Variants in SP1 observed in about 807,000 individuals in gnomAD.
The protein encoded by SP1 is transcription factor Sp1.
A neutral mutation model predicts 66.3 loss-of-function variants in SP1; 6 were observed. The observed-to-expected ratio is 0.09, with a 90% CI of 0.05 to 0.18. The LOEUF (loss-of-function observed/expected upper bound fraction) is 0.18. SP1 is among the 10% of genes least tolerant of loss of function. SP1 has a pLI of 1.00. For missense variants in SP1, 848 were observed against 964.5 expected, an observed-to-expected ratio of 0.88 and a Z score of 1.60; for synonymous variants, 417 against 360.8, an observed-to-expected ratio of 1.16 and a Z score of -1.77.
At position 53,414,700 on chromosome 12, in the gene SP1, A is replaced by T. The variant is rs1296066059; in HGVS notation, c.*3460A>T. Reference sequence around the variant, plus strand: ...TTTCAAAATATATTTTGTATTGTTAATATCTTCACATTGTGTGAATACTGG... The same window carrying T: ...TTTCAAAATATATTTTGTATTGTTATTATCTTCACATTGTGTGAATACTGG... On this transcript the variant is annotated 3_prime_UTR_variant, in exon 6 of 6. Coordinates refer to ENST00000327443, the MANE Select transcript of SP1 (RefSeq NM_138473.3). 6.6e-6 allele frequency: 1 copy of T among 152,636 alleles called. No homozygotes were observed. Among genetic ancestry groups the T allele is most frequent in the South Asian group, 2.1e-4 (1 of 4,834 alleles). The allele number at this position is 152,636 out of a possible 1,614,324, so 9.5% of individuals were successfully genotyped here.
chr12:53,413,977 T>C lies in SP1; in HGVS notation c.*2737T>C, dbSNP rs1271058553. ...CCAAGGAAGCTCCAGATCCAGTATC[T>C]TGTTTGGCCTCAAAACAGAAGCAGC... is the stretch of plus-strand genomic sequence containing the variant. On this transcript the variant is annotated 3_prime_UTR_variant, in exon 6 of 6. Transcript: ENST00000327443. 1 of 152,182 alleles carries C rather than the reference T, an allele frequency of 6.6e-6. No homozygotes were observed. Among genetic ancestry groups the C allele is most frequent in the Non-Finnish European group, 1.5e-5 (1 of 68,046 alleles). 9.4% of individuals were successfully genotyped at this position (152,182 alleles called of 1,614,324 possible).
intron 3 of SP1, among the ~76,000 whole-genome samples, chr12:53,384,563 G>A (rs995275913): frequency 6.6e-6 from 1 of 152,112 alleles, no homozygotes; most frequent in Admixed American, 6.6e-5. Context: ...TGGGATTATA[G>A]GTGTGAGCCA....
intron 3 of SP1, among the ~76,000 whole-genome samples, chr12:53,398,955 T>G (rs1938549184): frequency 6.6e-6 from 1 of 152,218 alleles, no homozygotes; most frequent in Non-Finnish European, 1.5e-5. Flanking sequence ...CTGTACAATT[T>G]ATAAAGAAAT....
chr12:53,404,229 T>C (rs576855155), intron 3 of SP1, among the ~76,000 whole-genome samples: 4 of 149,770 alleles, frequency 2.7e-5, no homozygotes, highest in African/African-American at 7.4e-5. Flanking sequence ...TTATAAGATA[T>C]TACTTTTGCG....
intron 3 of SP1, among the ~76,000 whole-genome samples, chr12:53,402,776 C>A (rs1938637007): frequency 6.6e-6 from 1 of 151,600 alleles, no homozygotes; most frequent in African/African-American, 2.4e-5. Context: ...ACCAGCCTGG[C>A]CAATATGGTG....
At position 53,382,709 on chromosome 12, in the gene SP1, C is replaced by A; in HGVS notation, c.762C>A (p.Thr254=). ...TCTCAGGACAGACTCAGTATGTGACCAATGTACCAGTGGCCCTGAATGGGA... is the reference window on the plus strand; with the variant it reads ...TCTCAGGACAGACTCAGTATGTGACAAATGTACCAGTGGCCCTGAATGGGA... ...NVLSGQTQYV[T]NVPVALNGNI... The change falls in exon 3 of 6, where the codon ACC becomes ACA. Residue 254 remains threonine, a synonymous_variant. Transcript: ENST00000327443. 6.2e-7 allele frequency: 1 copy of A among 1,614,116 alleles called. No homozygotes were observed. The highest frequency in any genetic ancestry group is 8.5e-7 in the Non-Finnish European group (1 of 1,180,014).
intron 3 of SP1, among the ~76,000 whole-genome samples, chr12:53,390,998 G>A (rs1005313912): frequency 4.6e-5 from 7 of 151,994 alleles, no homozygotes; most frequent in Admixed American, 2.6e-4. Flanking sequence ...CTTTGAAAAT[G>A]TTTTAAAATG....
chr12:53,399,322 T>G (rs1938555274), intron 3 of SP1, among the ~76,000 whole-genome samples: 1 of 146,936 alleles, frequency 6.8e-6, no homozygotes, highest in Non-Finnish European at 1.5e-5. Context: ...CTAATTTTTG[T>G]TTTTTTGTTT....
intron 1 of SP1, 121 bp downstream of exon 1, chr12:53,380,419 C>CT (rs1938056719): frequency 1.1e-6 from 1 of 887,756 alleles, no homozygotes; most frequent in Non-Finnish European, 1.5e-6. Flanking sequence ...CGGCGGCGGC[C>CT]TAGGTCCCGC....
intron 3 of SP1, among the ~76,000 whole-genome samples, chr12:53,387,981 G>A (rs1237054073): frequency 1.3e-5 from 2 of 150,366 alleles, no homozygotes; most frequent in African/African-American, 4.9e-5. Flanking sequence ...GCGAGACTCC[G>A]TCTCAAAAAA....
intron 3 of SP1, among the ~76,000 whole-genome samples, chr12:53,389,266 G>C (rs1372832507): frequency 7.1e-6 from 1 of 141,296 alleles, no homozygotes; most frequent in Non-Finnish European, 1.5e-5. Flanking sequence ...TTGTTGCCCA[G>C]GGTGGAGTCC....
chr12:53,384,276 CT>C (rs561468680), intron 3 of SP1, among the ~76,000 whole-genome samples: 31 of 147,998 alleles, frequency 2.1e-4, no homozygotes, highest in Admixed American at 1.1e-3. Flanking sequence ...GCTTTCTTTT[CT>C]TTTTTTTCTT....
At chr12:53,400,347 CTTTT>C (rs1037805877) in intron 3 of SP1, among the ~76,000 whole-genome samples, 1 of 151,922 alleles carries the variant, frequency 6.6e-6, no homozygotes, top group African/African-American at 2.4e-5. Flanking sequence ...TGTTAGTACT[CTTTT>C]TTTTATTGCC....
intron 3 of SP1, among the ~76,000 whole-genome samples, chr12:53,404,621 CAACT>C (rs928831817): frequency 2.6e-4 from 39 of 151,984 alleles, no homozygotes; most frequent in African/African-American, 8.4e-4. Flanking sequence ...CAAATGTGAC[CAACT>C]GAGTCATGAT....
At chr12:53,408,169 T>C (rs1938790539) in intron 4 of SP1, among the ~76,000 whole-genome samples, 1 of 142,664 alleles carries the variant, frequency 7.0e-6, no homozygotes, top group African/African-American at 2.5e-5. Context: ...TTGCTCGAAC[T>C]TGGGAGGTGG....
intron 3 of SP1, among the ~76,000 whole-genome samples, chr12:53,403,321 G>A (rs930092190): frequency 6.6e-6 from 1 of 152,006 alleles, no homozygotes; most frequent in African/African-American, 2.4e-5. Flanking sequence ...ATAAAACAAA[G>A]CAGTCCAAGT....
At chr12:53,405,772 C>T (rs754507919) in intron 3 of SP1, among the ~76,000 whole-genome samples, 21 of 151,920 alleles carry the variant, frequency 1.4e-4, no homozygotes, top group Non-Finnish European at 2.6e-4. Context: ...TTACCAATGC[C>T]GTATGTTATT....
intron 4 of SP1, among the ~76,000 whole-genome samples, chr12:53,407,762 T>C (rs1592572349): frequency 6.6e-6 from 1 of 150,448 alleles, no homozygotes; most frequent in Non-Finnish European, 1.5e-5. Flanking sequence ...TCAGCCTCCC[T>C]AGTAGCTGGG....
chr12:53,403,117 C>G (rs1011769191), intron 3 of SP1, among the ~76,000 whole-genome samples: 4 of 151,928 alleles, frequency 2.6e-5, no homozygotes, highest in African/African-American at 9.7e-5. Context: ...TGCACTCCCA[C>G]TCCGTCTCAA....
Sources: gnomAD v4.1 joint callset for allele counts (sites outside exome capture counted in the v4.1 genomes callset) on GRCh38, gnomAD v4.1.1 for gene constraint, MANE v1.5 for transcripts, NCBI Gene and HGNC (gene_info 2026-07-23, HGNC 2026-07-21) for gene names.